The following TYW1 variants were observed in gnomAD, a reference collection of about 807,000 sequenced individuals.
TYW1 encodes the protein S-adenosyl-L-methionine-dependent tRNA 4-demethylwyosine synthase TYW1.
In TYW1, 46 loss-of-function variants were observed where a neutral mutation model predicts 96.2. The observed-to-expected ratio is 0.48, with a 90% CI of 0.38 to 0.61. The LOEUF (loss-of-function observed/expected upper bound fraction) is 0.61, where lower values mean the gene tolerates loss of function less well. Among genes scored for constraint, TYW1 ranks in the 20% least tolerant of loss-of-function variants. The pLI is 0.00. For missense variants in TYW1, 684 were observed against 909.6 expected (o/e 0.75, Z 3.19); for synonymous variants, 274 against 323.0 (o/e 0.85, Z 1.63).
intron 13 of TYW1, among the ~76,000 whole-genome samples, chr7:67,158,779 G>A (rs1486607534): frequency 1.3e-5 from 2 of 151,938 alleles, no homozygotes; most frequent in African/African-American, 2.4e-5. Context: ...CACTGTGTTA[G>A]CCAGGATGGT....
At chr7:67,042,488 T>G (rs1429768023) in intron 7 of TYW1, among the ~76,000 whole-genome samples, 1 of 152,168 alleles carries the variant, frequency 6.6e-6, no homozygotes, top group Non-Finnish European at 1.5e-5. Context: ...TGGGGAACCC[T>G]AAACAGTTTG....
intron 15 of TYW1, among the ~76,000 whole-genome samples, chr7:67,202,025 T>C (rs10081344): frequency 0.25 from 38,218 of 152,162 alleles, 4,992 homozygotes; most frequent in Middle Eastern, 0.3. Context: ...CAGTGAGTAC[T>C]CTGTTCCCAC....
Position 66,996,919 on chromosome 7 carries a change from A to T in TYW1, c.-60A>T. 1 of 1,612,872 alleles carries T rather than the reference A, an allele frequency of 6.2e-7. No individual in the cohort carries two copies. Among genetic ancestry groups the T allele is most frequent in the South Asian group, 1.1e-5 (1 of 90,812 alleles). ...GTAGCTCGGTGCGTCTCGCGGTACC[A>T]GTGCGAATCATCGGGCTATCCAGGT... On this transcript the variant is annotated 5_prime_UTR_variant, in exon 1 of 16. Coordinates refer to ENST00000359626, the MANE Select transcript of TYW1 (RefSeq NM_018264.4).
chr7:67,143,379 C>A (rs1266826045), intron 13 of TYW1, among the ~76,000 whole-genome samples: 1 of 152,204 alleles, frequency 6.6e-6, no homozygotes, highest in Non-Finnish European at 1.5e-5. Flanking sequence ...GATAGCGGAA[C>A]TGAGACTTAA....
chr7:67,115,791 A>G (rs761102452), intron 12 of TYW1, among the ~76,000 whole-genome samples: 2 of 152,240 alleles, frequency 1.3e-5, no homozygotes, highest in African/African-American at 2.4e-5. Context: ...AAAGTGGTGA[A>G]TTGTATGGCA....
intron 13 of TYW1, among the ~76,000 whole-genome samples, chr7:67,131,251 G>A (rs1798064410): frequency 6.6e-6 from 1 of 151,990 alleles, no homozygotes; most frequent in African/African-American, 2.4e-5. Context: ...ACCTTATAGG[G>A]TCTAGACAAA....
At chr7:67,229,241 A>C (rs1280895051) in intron 15 of TYW1, among the ~76,000 whole-genome samples, 2 of 152,198 alleles carry the variant, frequency 1.3e-5, no homozygotes, top group Non-Finnish European at 2.9e-5. Flanking sequence ...AAGTACCTTA[A>C]GAATTTAGAA....
chr7:67,042,667 G>A (rs921373995), intron 7 of TYW1, among the ~76,000 whole-genome samples: 9 of 152,084 alleles, frequency 5.9e-5, no homozygotes, highest in African/African-American at 2.2e-4. Flanking sequence ...ATGGGTTAGC[G>A]GGTGTGGGGA....
intron 10 of TYW1, among the ~76,000 whole-genome samples, chr7:67,081,250 G>A (rs10242165): frequency 7.5e-6 from 1 of 134,218 alleles, no homozygotes; most frequent in Non-Finnish European, 1.6e-5. Flanking sequence ...CCAGCCCTTA[G>A]AATATATCAT....
At chr7:67,220,692 A>C (rs1488611926) in intron 15 of TYW1, among the ~76,000 whole-genome samples, 1 of 151,428 alleles carries the variant, frequency 6.6e-6, no homozygotes, top group African/African-American at 2.4e-5. Flanking sequence ...CTGTTAAATC[A>C]AGTTGGCTTA....
At chr7:67,205,348 T>C (rs1800753391) in intron 15 of TYW1, among the ~76,000 whole-genome samples, 1 of 152,048 alleles carries the variant, frequency 6.6e-6, no homozygotes, top group East Asian at 1.9e-4. Flanking sequence ...CTTGTGACTG[T>C]TCCCCCCTTA....
At chr7:67,146,486 CAT>C (rs1205647120) in intron 13 of TYW1, among the ~76,000 whole-genome samples, 1 of 144,942 alleles carries the variant, frequency 6.9e-6, no homozygotes, top group Non-Finnish European at 1.5e-5. Context: ...AAAAATATAA[CAT>C]AGGCTACTGC....
At chr7:66,997,084 G>T in intron 1 of TYW1, 102 bp downstream of exon 1, 1 of 1,581,460 alleles carries the variant, frequency 6.3e-7, no homozygotes, top group Non-Finnish European at 8.6e-7. Flanking sequence ...CCTTTCCTTC[G>T]GAGACTGTTG....
chr7:67,131,066 C>T (rs761148905), intron 13 of TYW1, among the ~76,000 whole-genome samples: 12 of 137,586 alleles, frequency 8.7e-5, no homozygotes, highest in Non-Finnish European at 1.7e-4. Context: ...CTGATCTCCT[C>T]TTGGTGTATA....
chr7:67,219,983 C>G (rs565780734), intron 15 of TYW1, among the ~76,000 whole-genome samples: 3 of 150,278 alleles, frequency 2.0e-5, no homozygotes, highest in Admixed American at 1.3e-4. Flanking sequence ...TTTGAGGTCT[C>G]CTTTTTTAAA....
At chr7:67,084,558 A>G (rs1796488698) in intron 11 of TYW1, among the ~76,000 whole-genome samples, 1 of 149,916 alleles carries the variant, frequency 6.7e-6, no homozygotes, top group South Asian at 2.1e-4. Context: ...TCGCTCTGTC[A>G]CCCAGGCTGG....
rs113492632 is a variant in TYW1, at chr7:67,094,767, T to C, written c.1385-3774T>C. On this transcript the variant is annotated intron_variant, in intron 11 of 15. Coordinates refer to ENST00000359626, the MANE Select transcript of TYW1 (RefSeq NM_018264.4). ...TGTATGTTCTAAGAAGAATGTGTGTTCTGAGCTCTGAACTAGGAGATCCAG... is the reference window on the plus strand; with the variant it reads ...TGTATGTTCTAAGAAGAATGTGTGTCCTGAGCTCTGAACTAGGAGATCCAG... Among the ~76,000 whole-genome samples the C allele has an allele frequency of 6.6e-4, 101 of 152,022 alleles. 1 individual carries two copies. Among genetic ancestry groups the C allele is most frequent in the African/African-American group, 2.3e-3 (97 of 41,466 alleles).
intron 7 of TYW1, among the ~76,000 whole-genome samples, chr7:67,028,390 A>T (rs1794530498): frequency 6.6e-6 from 1 of 152,216 alleles, no homozygotes; most frequent in South Asian, 2.1e-4. Context: ...TTTTCTGAAA[A>T]TGCAAAATTA....
chr7:67,209,417 T>C lies in TYW1; in HGVS notation c.1977+14080T>C, dbSNP rs550251533. Among the ~76,000 whole-genome samples the C allele has an allele frequency of 2.0e-5, 3 of 152,252 alleles. No individual in the cohort carries two copies. The South Asian group carries it at 6.2e-4, about 32-fold the overall frequency. On this transcript the variant is annotated intron_variant, in intron 15 of 15. Transcript: ENST00000359626. ...ATGACAATCCAAGAAGCTTTGATAA[T>C]TTTAGTGCAGAAACACTGAAATTCC...
Sources: allele counts gnomAD v4.1 joint callset (sites outside exome capture counted in the v4.1 genomes callset), GRCh38; gene constraint gnomAD v4.1.1; transcripts MANE v1.5; gene names NCBI Gene and HGNC (gene_info 2026-07-23, HGNC 2026-07-21).